Variants in CCDC136 observed in about 807,000 individuals in gnomAD.
CCDC136 encodes the protein coiled-coil domain-containing protein 136.
In CCDC136, 100 loss-of-function variants were observed where a neutral mutation model predicts 141.2. The ratio of observed to expected loss-of-function variants is 0.71; its 90% CI spans 0.60 to 0.84. The LOEUF is 0.84. Ranked by LOEUF, CCDC136 falls within the 40% of genes least tolerant of loss-of-function variation. The pLI, the probability that CCDC136 is intolerant of heterozygous loss-of-function variation, is 0.00. For synonymous variants in CCDC136, 474 were observed against 531.9 expected, an observed-to-expected ratio of 0.89 and a Z score of 1.50; for missense variants, 1,206 against 1,379.4, an observed-to-expected ratio of 0.87 and a Z score of 1.99.
chr7:128,806,032 G>T, intron 7 of CCDC136, 131 bp downstream of exon 7: 1 of 1,141,632 alleles, frequency 8.8e-7, no homozygotes, highest in East Asian at 2.4e-5. Context: ...GGCACAGTCT[G>T]CTGGAAACCA....
chr7:128,811,518 A>T (rs978498334), intron 12 of CCDC136, among the ~76,000 whole-genome samples: 3 of 152,198 alleles, frequency 2.0e-5, no homozygotes, highest in African/African-American at 7.2e-5. Flanking sequence ...CCCACTCGGC[A>T]CTGCTCCAAG....
rs372607897 is a variant in CCDC136 at position 128,794,368 on chromosome 7, C to G, written c.37C>G (p.Leu13Val). 7.1e-6 allele frequency: 11 copies of G among 1,553,696 alleles called. No homozygotes were observed. Among genetic ancestry groups the G allele is most frequent in the Non-Finnish European group, 7.8e-6 (9 of 1,147,958 alleles). ...AMEGEVLLPA[L>V]YEEEEEEEEE... ...CCTAGGGGAGGTGTTACTCCCAGCT[C>G]TCTATGAGGAGGAAGAGGAAGAGGA... The change falls in exon 2 of 18, where the codon CTC (leucine) becomes GTC (valine). Residue 13 changes from leucine (L) to valine (V), a missense_variant. By Grantham distance (32) the Leu-to-Val change is conservative. Coordinates refer to ENST00000297788, the MANE Select transcript of CCDC136 (RefSeq NM_022742.5). This position sits in a 1 kb window ranked among gnomAD's most constrained non-coding sequence, Gnocchi z 4.3.
chr7:128,802,321 G>T (rs937526621), intron 4 of CCDC136, among the ~76,000 whole-genome samples: 1 of 151,998 alleles, frequency 6.6e-6, no homozygotes, highest in Non-Finnish European at 1.5e-5. Context: ...CCTATATTTG[G>T]CCAGGTCAAG....
chr7:128,805,513 A>G lies in CCDC136; in HGVS notation c.937A>G (p.Met313Val), dbSNP rs1320034266. 2.5e-6 allele frequency: 4 copies of G among 1,609,878 alleles called. No individual in the cohort carries two copies. The Admixed American group carries it at 6.7e-5, about 27-fold the overall frequency. The change falls in exon 6 of 18, where the codon ATG becomes GTG. Residue 313 changes from methionine to valine, a missense_variant. Transcript: ENST00000297788. This position sits in a 1 kb window ranked among gnomAD's most constrained non-coding sequence, Gnocchi z 4.6. ...LRDAEEQMHG[M>V]KNKCQELCCE... is the part of the protein sequence containing the mutation. ...GGATGCTGAAGAGCAGATGCATGGC[A>G]TGAAGAACAAGGTAGGGCACAGAGG...
chr7:128,800,922 A>G (rs2128903629), intron 3 of CCDC136, among the ~76,000 whole-genome samples: 1 of 152,322 alleles, frequency 6.6e-6, no homozygotes, highest in South Asian at 2.1e-4. Flanking sequence ...CTTTTTGTTT[A>G]CAGTAGACTA....
rs774739139 is a variant in CCDC136, at chr7:128,807,370, C to A, written c.1430C>A (p.Thr477Lys). The change falls in exon 10 of 18, where the codon ACG becomes AAG. Residue 477 changes from threonine (T) to lysine (K), a missense_variant. Thr to Lys is a moderately conservative substitution (Grantham distance 78). Transcript: ENST00000297788. ...FKESNEKDTETHAQLQEMKQL... is the reference protein window; with the variant it reads ...FKESNEKDTEKHAQLQEMKQL... Reference sequence around the variant, plus strand: ...GCCTCCCCTGCCCAGGACACAGAGACGCACGCTCAGCTTCAGGAGATGAAG... The same window carrying A: ...GCCTCCCCTGCCCAGGACACAGAGAAGCACGCTCAGCTTCAGGAGATGAAG... 67 of 1,539,218 alleles carry A rather than the reference C, an allele frequency of 4.4e-5. No homozygotes were observed. The South Asian group carries it at 8.2e-4, about 19-fold the overall frequency.
At chr7:128,806,565 C>A in intron 8 of CCDC136, 123 bp from the exon 9 acceptor site, 1 of 1,075,762 alleles carries the variant, frequency 9.3e-7, no homozygotes, top group Non-Finnish European at 1.3e-6. Context: ...GATATGAGGA[C>A]ATTAGGAAGT....
chr7:128,794,490 C>A lies in CCDC136; in HGVS notation c.159C>A (p.Leu53=). 1 of 1,552,278 alleles carries A rather than the reference C, an allele frequency of 6.4e-7. No individual in the cohort carries two copies. Among genetic ancestry groups the A allele is most frequent in the Non-Finnish European group, 8.7e-7 (1 of 1,147,242 alleles). The change falls in exon 2 of 18, where the codon CTC becomes CTA. Residue 53 remains leucine (L), a synonymous_variant. Transcript: ENST00000297788. This position sits in a 1 kb window ranked among gnomAD's most constrained non-coding sequence, Gnocchi z 4.3. ...TCAACAAGCACCGGGGACTGAGCCT[C>A]ACGGAGACAGAGCTGGAGGAGCTGC... ...LSVNKHRGLS[L]TETELEELRA...
At chr7:128,820,635 G>A (rs1807316537) in intron 17 of CCDC136, among the ~76,000 whole-genome samples, 1 of 152,176 alleles carries the variant, frequency 6.6e-6, no homozygotes, top group Admixed American at 6.5e-5. Flanking sequence ...GTCTCGCTCT[G>A]TCACCGAGGC....
chr7:128,794,410 G>T lies in CCDC136; in HGVS notation c.79G>T (p.Val27Leu), dbSNP rs1802638985. Residue 27 changes from valine to leucine, a missense_variant, in exon 2 of 18, where the codon GTG (valine) becomes TTG (leucine). Transcript: ENST00000297788. This position sits in a 1 kb window ranked among gnomAD's most constrained non-coding sequence, Gnocchi z 4.3. ...GGAAGAGGAAGAGGAGGAAGAAGAG[G>T]TGGAAGAAGAAGAAGAACAAGTGCA... is the stretch of plus-strand genomic sequence containing the variant. ...EEEEEEEEEEVEEEEEQVQKG... is the reference protein window; with the variant it reads ...EEEEEEEEEELEEEEEQVQKG... 1 of 1,554,514 alleles carries T rather than the reference G, an allele frequency of 6.4e-7. No homozygotes were observed. The highest frequency in any genetic ancestry group is 8.7e-7 in the Non-Finnish European group (1 of 1,148,436).
At chr7:128,815,488 C>A in intron 15 of CCDC136, 126 bp from the exon 16 acceptor site, 1 of 1,095,804 alleles carries the variant, frequency 9.1e-7, no homozygotes, top group East Asian at 2.6e-5. Flanking sequence ...TCCCAGAGCA[C>A]CGGGCCACAC....
In CCDC136 at chr7:128,821,812, T is replaced by A. The variant is rs1000440963; in HGVS notation, c.*19T>A. ...TGGTCCCCACAGAACATGTTTGGGTTGTGGAAGCCTATGGTATTCTTGGCT... is the reference window on the plus strand; with the variant it reads ...TGGTCCCCACAGAACATGTTTGGGTAGTGGAAGCCTATGGTATTCTTGGCT... On this transcript the variant is annotated 3_prime_UTR_variant, in exon 18 of 18. Coordinates refer to ENST00000297788, the MANE Select transcript of CCDC136 (RefSeq NM_022742.5). The surrounding 1 kb of genome is among the most constrained non-coding windows in gnomAD (Gnocchi z 5.1). 5.4e-6 allele frequency: 7 copies of A among 1,290,370 alleles called. No homozygotes were observed. Among genetic ancestry groups the A allele is most frequent in the Admixed American group, 2.3e-5 (1 of 43,552 alleles). 79.9% of individuals were successfully genotyped at this position (1,290,370 alleles called of 1,614,324 possible). A position where few individuals can be genotyped will look rare whatever the true frequency, so the allele number is the denominator to read the frequency against.
chr7:128,795,051 C>G (rs1029016903), intron 3 of CCDC136, among the ~76,000 whole-genome samples: 1 of 152,128 alleles, frequency 6.6e-6, no homozygotes, highest in Non-Finnish European at 1.5e-5. Context: ...TTCCTCTTGC[C>G]CCTTCAGCCT....
At chr7:128,809,190 C>T (rs1309926202) in intron 10 of CCDC136, 1 of 401,918 alleles carries the variant, frequency 2.5e-6, no homozygotes, top group Non-Finnish European at 4.4e-6. Context: ...CATCAAACTG[C>T]CCCCAGAAAG....
intron 17 of CCDC136, among the ~76,000 whole-genome samples, chr7:128,819,527 T>TA: frequency 6.6e-6 from 1 of 152,212 alleles, no homozygotes. Flanking sequence ...CTATAAATTA[T>TA]AAAATACCCC....
Position 128,792,232 on chromosome 7 carries a change from G to A in CCDC136, c.-180G>A. The A allele has an allele frequency of 6.6e-7, 1 of 1,517,024 alleles. No individual in the cohort carries two copies. Among genetic ancestry groups the A allele is most frequent in the Non-Finnish European group, 8.8e-7 (1 of 1,134,774 alleles). The allele number at this position is 1,517,024 out of a possible 1,614,324, so 94.0% of individuals were successfully genotyped here. On this transcript the variant is annotated 5_prime_UTR_variant, in exon 1 of 18. Transcript: ENST00000297788. ...ATTACAGATCCCAGAGCCTCGAGGAGCTGGAAGACATGTCCCCTTCTTTCC... is the reference window on the plus strand; with the variant it reads ...ATTACAGATCCCAGAGCCTCGAGGAACTGGAAGACATGTCCCCTTCTTTCC...
In CCDC136 at chr7:128,821,662, C is replaced by T; in HGVS notation, c.*6-137C>T. On this transcript the variant is annotated intron_variant, in intron 17 of 17. Transcript: ENST00000297788. This position sits in a 1 kb window ranked among gnomAD's most constrained non-coding sequence, Gnocchi z 5.1. ...CCAGGACTGAGAGATCACTTACCTC[C>T]ACCGGTTACCCAGGAGGTAACAGAG... 1.9e-6 allele frequency: 1 copy of T among 539,656 alleles called. No individual in the cohort carries two copies. Among genetic ancestry groups the T allele is most frequent in the Non-Finnish European group, 3.1e-6 (1 of 327,822 alleles). The allele number at this position is 539,656 out of a possible 1,614,324, so 33.4% of individuals were successfully genotyped here.
At chr7:128,819,885 A>G (rs931730294) in intron 17 of CCDC136, among the ~76,000 whole-genome samples, 1 of 152,168 alleles carries the variant, frequency 6.6e-6, no homozygotes, top group African/African-American at 2.4e-5. Context: ...TCTTTAGGTA[A>G]CTAATATATT....
chr7:128,809,750 C>A, intron 11 of CCDC136, 106 bp downstream of exon 11: 1 of 813,372 alleles, frequency 1.2e-6, no homozygotes, highest in Non-Finnish European at 1.9e-6. Context: ...TTTTCTCTTA[C>A]CAACCACTCC....
Sources: gnomAD v4.1 joint callset for allele counts (sites outside exome capture counted in the v4.1 genomes callset) on GRCh38, gnomAD v4.1.1 for gene constraint, Gnocchi (gnomAD v3.1) non-coding constraint, MANE v1.5 for transcripts, NCBI Gene and HGNC (gene_info 2026-07-23, HGNC 2026-07-21) for gene names.